Variants in CSNK1G3 observed in about 807,000 individuals in gnomAD.
The protein encoded by CSNK1G3 is casein kinase 1 gamma 3, also known as casein kinase I isoform gamma-3.
In CSNK1G3, 23 loss-of-function variants were observed where a neutral mutation model predicts 64.3. The ratio of observed to expected loss-of-function variants is 0.36; its 90% CI spans 0.26 to 0.51. The LOEUF is 0.51. Ranked by LOEUF, CSNK1G3 falls within the 20% of genes least tolerant of loss-of-function variation. The probability of loss-of-function intolerance (pLI) is 0.96; values close to 1 mark genes in which losing one functional copy is unlikely to be tolerated. For synonymous variants in CSNK1G3, 158 were observed against 162.2 expected, an observed-to-expected ratio of 0.97 and a Z score of 0.20; for missense variants, 357 against 510.5, an observed-to-expected ratio of 0.70 and a Z score of 2.90.
rs185956047 is a variant in CSNK1G3 at position 123,536,190 on chromosome 5, A to T, written c.-247-9227A>T. Among the ~76,000 whole-genome samples the T allele has an allele frequency of 1.5e-4, 23 of 152,256 alleles. No individual in the cohort carries two copies. In the East Asian group the frequency reaches 3.1e-3, roughly 20 times the overall value. On this transcript the variant is annotated intron_variant, in intron 1 of 12. Transcript: ENST00000345990. ...GCATTAAAAGCTTTGGAGCATACAC[A>T]TCAAATGAAAAGTAATGATTCTCTC...
intron 2 of CSNK1G3, among the ~76,000 whole-genome samples, chr5:123,550,411 A>G (rs1783405403): frequency 6.6e-6 from 1 of 152,222 alleles, no homozygotes; most frequent in African/African-American, 2.4e-5. Context: ...CTTAATGTCT[A>G]CTGACATTCA....
chr5:123,566,931 G>A (rs968473829), intron 4 of CSNK1G3, among the ~76,000 whole-genome samples: 2 of 152,130 alleles, frequency 1.3e-5, no homozygotes, highest in East Asian at 1.9e-4. Flanking sequence ...CTATTCGTAT[G>A]TATGTTTAAT....
At chr5:123,594,958 T>C in intron 10 of CSNK1G3, 81 bp from the exon 11 acceptor site, 1 of 1,186,514 alleles carries the variant, frequency 8.4e-7, no homozygotes, top group South Asian at 1.3e-5. Context: ...TACGTTTGTT[T>C]TATATATTAT....
At chr5:123,587,256 A>C (rs1247970128) in intron 6 of CSNK1G3, among the ~76,000 whole-genome samples, 1 of 152,230 alleles carries the variant, frequency 6.6e-6, no homozygotes, top group African/African-American at 2.4e-5. Flanking sequence ...GTTCATGTGG[A>C]TAAAACATCT....
intron 2 of CSNK1G3, among the ~76,000 whole-genome samples, chr5:123,548,622 G>A (rs993036556): frequency 2.0e-5 from 3 of 151,884 alleles, no homozygotes; most frequent in Non-Finnish European, 4.4e-5. Flanking sequence ...GTCAGGTGTG[G>A]TGGGGCATGC....
At chr5:123,539,477 T>C (rs1781356238) in intron 1 of CSNK1G3, among the ~76,000 whole-genome samples, 2 of 152,020 alleles carry the variant, frequency 1.3e-5, no homozygotes, top group Non-Finnish European at 2.9e-5. Context: ...TGGGTTTTCT[T>C]TTTTCTGTTA....
intron 6 of CSNK1G3, 29 bp from the exon 7 acceptor site, chr5:123,588,039 G>A (rs759301045): frequency 7.1e-7 from 1 of 1,405,504 alleles, no homozygotes; most frequent in East Asian, 2.4e-5. Context: ...TTAGAGAAAA[G>A]TGAAATTTAT....
At chr5:123,616,329 C>T (rs1172319751) in exon 13 of CSNK1G3, 3 of 152,424 alleles carry the variant, frequency 2.0e-5, no homozygotes, top group Admixed American at 6.6e-5. Flanking sequence ...TAAATACATG[C>T]GAATATCTGT....
At chr5:123,537,612 G>A (rs1287556564) in intron 1 of CSNK1G3, among the ~76,000 whole-genome samples, 2 of 152,162 alleles carry the variant, frequency 1.3e-5, no homozygotes, top group Non-Finnish European at 2.9e-5. Context: ...GTAATGGTGT[G>A]CTGGGGAAAA....
At chr5:123,567,823 C>G (rs747873568) in intron 4 of CSNK1G3, among the ~76,000 whole-genome samples, 1 of 152,128 alleles carries the variant, frequency 6.6e-6, no homozygotes, top group Non-Finnish European at 1.5e-5. Flanking sequence ...TGACTGGTCT[C>G]AAGCACATCT....
intron 11 of CSNK1G3, among the ~76,000 whole-genome samples, chr5:123,605,135 C>T (rs995832021): frequency 6.6e-6 from 1 of 151,904 alleles, no homozygotes; most frequent in Non-Finnish European, 1.5e-5. Context: ...TACTATCAAT[C>T]TTTTTTCTGT....
At chr5:123,537,664 TG>T (rs1781063669) in intron 1 of CSNK1G3, among the ~76,000 whole-genome samples, 1 of 152,138 alleles carries the variant, frequency 6.6e-6, no homozygotes, top group South Asian at 2.1e-4. Flanking sequence ...TATGTGTGTA[TG>T]GGGGCAGTTG....
intron 1 of CSNK1G3, among the ~76,000 whole-genome samples, chr5:123,526,840 TTGTGTGTGTG>T (rs34275675): frequency 8.7e-5 from 11 of 126,754 alleles, no homozygotes; most frequent in South Asian, 5.3e-4. Context: ...CATGTACAGA[TTGTGTGTGTG>T]TGTGTGTGTG....
At position 123,593,221 on chromosome 5, in the gene CSNK1G3, A is replaced by G. The variant is rs143072338; in HGVS notation, c.1086+1807A>G. Among the ~76,000 whole-genome samples the G allele has an allele frequency of 1.5e-3, 233 of 151,722 alleles. 6 individuals are homozygous for G. The East Asian group carries it at 0.041, about 27-fold the overall frequency. The stretch of plus-strand genomic sequence containing the variant: ...TATATATACACACACACACACACAC[A>G]CACACACATATATATAATATTTAGG... On this transcript the variant is annotated intron_variant, in intron 10 of 12. Coordinates refer to ENST00000345990, the Ensembl canonical transcript of CSNK1G3.
intron 1 of CSNK1G3, among the ~76,000 whole-genome samples, chr5:123,521,365 A>T (rs1033463200): frequency 2.0e-5 from 3 of 152,056 alleles, no homozygotes; most frequent in Non-Finnish European, 4.4e-5. Context: ...ATTGTTGCTG[A>T]TGTGTCTTTA....
rs778437597 is a variant in CSNK1G3, at chr5:123,575,762, T to G, written c.472T>G (p.Leu158Val). Residue 158 changes from leucine to valine, a missense_variant, in exon 6 of 13, where the codon TTG becomes GTG. Transcript: ENST00000345990. ...CATGGAATATGTCCATTCAAAGAACTTGATATACAGAGATGTAAAACCTGA... is the reference window on the plus strand; with the variant it reads ...CATGGAATATGTCCATTCAAAGAACGTGATATACAGAGATGTAAAACCTGA... 5 of 1,613,382 alleles carry G rather than the reference T, an allele frequency of 3.1e-6. 1 individual carries two copies. In the South Asian group the frequency reaches 5.5e-5, roughly 18 times the overall value.
At chr5:123,587,523 T>C (rs1791551326) in intron 6 of CSNK1G3, among the ~76,000 whole-genome samples, 1 of 152,208 alleles carries the variant, frequency 6.6e-6, no homozygotes. Context: ...TTTTTTGTGA[T>C]AGTGAAGGGG....
At chr5:123,554,034 A>C (rs924750088) in intron 3 of CSNK1G3, among the ~76,000 whole-genome samples, 1 of 152,240 alleles carries the variant, frequency 6.6e-6, no homozygotes, top group Non-Finnish European at 1.5e-5. Flanking sequence ...TATTAGGGTA[A>C]TATGAAATGA....
At chr5:123,610,467 G>C (rs1319501598) in intron 12 of CSNK1G3, among the ~76,000 whole-genome samples, 1 of 152,094 alleles carries the variant, frequency 6.6e-6, no homozygotes, top group Non-Finnish European at 1.5e-5. Context: ...TATCCAGATA[G>C]GGAAACATGC....
Sources: gnomAD v4.1 joint callset for allele counts (sites outside exome capture counted in the v4.1 genomes callset) on GRCh38, gnomAD v4.1.1 for gene constraint, MANE v1.5 for transcripts, NCBI Gene and HGNC (gene_info 2026-07-23, HGNC 2026-07-21) for gene names.